The following DSCAM variants were observed in gnomAD, a reference collection of about 807,000 sequenced individuals.
DSCAM encodes cell adhesion molecule DSCAM.
DSCAM carries 47 observed loss-of-function variants against 217.7 expected under a neutral mutation model. The observed-to-expected ratio is 0.22, with a 90% confidence interval of 0.17 to 0.28. The LOEUF is 0.28. Ranked by LOEUF, DSCAM falls within the 10% of genes least tolerant of loss-of-function variation. The pLI is 1.00. For missense variants in DSCAM, 2,080 were observed against 2,618.3 expected (o/e 0.79, Z 4.49); for synonymous variants, 1,056 against 1,015.3 (o/e 1.04, Z -0.76).
intron 24 of DSCAM, among the ~76,000 whole-genome samples, chr21:40,082,231 C>T (rs985979350): frequency 2.0e-5 from 3 of 152,102 alleles, no homozygotes; most frequent in Non-Finnish European, 2.9e-5. Flanking sequence ...GAAGCCAAGG[C>T]GGGTAGATCA....
intron 9 of DSCAM, among the ~76,000 whole-genome samples, chr21:40,310,738 C>T (rs1020855520): frequency 5.3e-5 from 8 of 152,162 alleles, no homozygotes; most frequent in Non-Finnish European, 8.8e-5. Flanking sequence ...TTCACAAACC[C>T]AAGAGTTAAC....
intron 23 of DSCAM, among the ~76,000 whole-genome samples, chr21:40,084,292 A>G (rs887061645): frequency 6.6e-6 from 1 of 152,158 alleles, no homozygotes; most frequent in Admixed American, 6.6e-5. Flanking sequence ...TGAGTTATTT[A>G]TCACTAATTG....
intron 3 of DSCAM, among the ~76,000 whole-genome samples, chr21:40,433,347 A>T (rs1273641300): frequency 5.8e-5 from 2 of 34,656 alleles, no homozygotes; most frequent in Admixed American, 8.8e-4. Flanking sequence ...GACTCCGTCT[A>T]AAAAAAAAAA....
At chr21:40,568,783 G>T (rs976571874) in intron 3 of DSCAM, among the ~76,000 whole-genome samples, 8 of 152,130 alleles carry the variant, frequency 5.3e-5, no homozygotes, top group African/African-American at 9.7e-5. Context: ...TTGTGCAGTG[G>T]GCAGAATGAT....
chr21:40,345,982 T>C (rs937203395), intron 6 of DSCAM, among the ~76,000 whole-genome samples: 2 of 152,292 alleles, frequency 1.3e-5, no homozygotes. Context: ...GAGACCTGAG[T>C]GTCTTTGAAA....
At chr21:40,101,149 T>A (rs1241665477) in intron 20 of DSCAM, among the ~76,000 whole-genome samples, 1 of 152,192 alleles carries the variant, frequency 6.6e-6, no homozygotes, top group Non-Finnish European at 1.5e-5. Context: ...AGGAAGTGGA[T>A]GGGACATTTG....
At chr21:40,149,647 A>G (rs1167668622) in intron 16 of DSCAM, among the ~76,000 whole-genome samples, 2 of 141,304 alleles carry the variant, frequency 1.4e-5, no homozygotes, top group Non-Finnish European at 3.0e-5. Flanking sequence ...CACTATCACC[A>G]CCACCATCCA....
intron 2 of DSCAM, among the ~76,000 whole-genome samples, chr21:40,694,055 C>T (rs1366473433): frequency 1.3e-5 from 2 of 152,154 alleles, no homozygotes. Context: ...ACAGTGTCTG[C>T]TAGAAGCAGG....
At chr21:40,513,900 C>CA (rs1387581937) in intron 3 of DSCAM, among the ~76,000 whole-genome samples, 2 of 152,200 alleles carry the variant, frequency 1.3e-5, no homozygotes, top group African/African-American at 4.8e-5. Flanking sequence ...CAAAAATAGT[C>CA]AAAATACCCT....
At chr21:40,650,837 C>A (rs145492937) in intron 3 of DSCAM, among the ~76,000 whole-genome samples, 9,108 of 152,258 alleles carry the variant, frequency 0.06, 349 homozygotes, top group African/African-American at 0.11. Flanking sequence ...TTGGTTGAAC[C>A]TGGGAGGCGG....
intron 1 of DSCAM, among the ~76,000 whole-genome samples, chr21:40,799,836 T>C (rs2091723600): frequency 1.3e-5 from 2 of 152,242 alleles, no homozygotes; most frequent in Admixed American, 1.3e-4. Flanking sequence ...TAAATTTAAA[T>C]ACATCTGCAA....
At chr21:40,788,478 G>A (rs1217647392) in intron 1 of DSCAM, among the ~76,000 whole-genome samples, 1 of 152,146 alleles carries the variant, frequency 6.6e-6, no homozygotes, top group Non-Finnish European at 1.5e-5. Flanking sequence ...GGGAACATAA[G>A]CATGGCCTCC....
intron 15 of DSCAM, among the ~76,000 whole-genome samples, chr21:40,175,799 ACACACACACG>A (rs1347768613): frequency 1.8e-5 from 2 of 108,476 alleles, no homozygotes; most frequent in Admixed American, 1.0e-4. Context: ...ACACACACAC[ACACACACACG>A]CACACACACA....
intron 4 of DSCAM, among the ~76,000 whole-genome samples, chr21:40,360,299 AT>A (rs982336499): frequency 3.3e-5 from 5 of 151,000 alleles, no homozygotes; most frequent in Admixed American, 2.6e-4. Flanking sequence ...CGCCCGGCTA[AT>A]TTTTTTTGTA....
At chr21:40,765,967 A>C (rs990471342) in intron 1 of DSCAM, among the ~76,000 whole-genome samples, 2 of 152,248 alleles carry the variant, frequency 1.3e-5, no homozygotes, top group African/African-American at 4.8e-5. Flanking sequence ...CACCCTGTGC[A>C]GCTCTGGCAG....
intron 18 of DSCAM, among the ~76,000 whole-genome samples, chr21:40,135,779 C>T (rs959921676): frequency 2.0e-5 from 3 of 152,196 alleles, no homozygotes; most frequent in Non-Finnish European, 4.4e-5. Context: ...GACTGTGGAA[C>T]ATCTTTTGTT....
At chr21:40,410,021 ATCCATTTTAACAG>A (rs2075309307) in intron 3 of DSCAM, among the ~76,000 whole-genome samples, 2 of 152,162 alleles carry the variant, frequency 1.3e-5, no homozygotes, top group South Asian at 4.1e-4. Context: ...AGAAAAATAA[ATCCATTTTAACAG>A]TCCAAAAAAT....
At chr21:40,421,311 G>A (rs1392623394) in intron 3 of DSCAM, among the ~76,000 whole-genome samples, 1 of 152,214 alleles carries the variant, frequency 6.6e-6, no homozygotes, top group African/African-American at 2.4e-5. Flanking sequence ...ACAGAGGAGA[G>A]AAACTAAGCA....
intron 16 of DSCAM, among the ~76,000 whole-genome samples, chr21:40,165,071 C>T (rs2090579650): frequency 6.6e-6 from 1 of 152,068 alleles, no homozygotes; most frequent in African/African-American, 2.4e-5. Flanking sequence ...GATCAGTGTC[C>T]GTGACCATGA....
Sources: allele counts gnomAD v4.1 joint callset (sites outside exome capture counted in the v4.1 genomes callset), GRCh38; gene constraint gnomAD v4.1.1; transcripts MANE v1.5; gene names NCBI Gene and HGNC (gene_info 2026-07-23, HGNC 2026-07-21).